The following DCTN4 variants were observed in gnomAD, a reference collection of about 807,000 sequenced individuals.
DCTN4 encodes dynactin 4 (p62).
DCTN4 carries 23 observed loss-of-function variants against 62.7 expected under a neutral mutation model. The ratio of observed to expected loss-of-function variants is 0.37; its 90% CI spans 0.26 to 0.52. The LOEUF is 0.52. Ranked by LOEUF, DCTN4 falls within the 20% of genes least tolerant of loss-of-function variation. The probability of loss-of-function intolerance (pLI) is 0.92; values close to 1 mark genes in which losing one functional copy is unlikely to be tolerated. For missense variants in DCTN4, 514 were observed against 580.4 expected, an observed-to-expected ratio of 0.89 and a Z score of 1.18; for synonymous variants, 199 against 202.1, an observed-to-expected ratio of 0.98 and a Z score of 0.13.
Position 150,710,766 on chromosome 5 carries a change from A to T in DCTN4, c.*383T>A, listed in dbSNP as rs1383661001. 1 of 223,256 alleles carries T rather than the reference A, an allele frequency of 4.5e-6. No individual in the cohort carries two copies. Among genetic ancestry groups the T allele is most frequent in the Non-Finnish European group, 9.1e-6 (1 of 110,184 alleles). 13.8% of individuals were successfully genotyped at this position (223,256 alleles called of 1,614,324 possible). ...ACAGCAGGTCTACCTTTGGGTTATC[A>T]TTTAAGTTTCATCTGTGACATTGTG... On this transcript the variant is annotated 3_prime_UTR_variant, in exon 13 of 13. Coordinates refer to ENST00000447998, the MANE Select transcript of DCTN4 (RefSeq NM_016221.4).
chr5:150,744,538 G>A, intron 3 of DCTN4, among the ~76,000 whole-genome samples: 1 of 152,186 alleles, frequency 6.6e-6, no homozygotes, highest in East Asian at 1.9e-4. Flanking sequence ...GGCAGCCAGA[G>A]AGAAAGGTCA....
chr5:150,755,652 T>C, intron 2 of DCTN4: 1 of 436,072 alleles, frequency 2.3e-6, no homozygotes, highest in Non-Finnish European at 4.6e-6. Context: ...ACTTTTGAGG[T>C]CATCAAAACC....
chr5:150,752,889 C>CA (rs1190910506), intron 3 of DCTN4, among the ~76,000 whole-genome samples: 2 of 149,840 alleles, frequency 1.3e-5, no homozygotes, highest in African/African-American at 4.9e-5. Context: ...TTTTTTGAGA[C>CA]AGAGTCTTGC....
At chr5:150,717,378 T>C (rs1759799905) in intron 11 of DCTN4, among the ~76,000 whole-genome samples, 1 of 152,198 alleles carries the variant, frequency 6.6e-6, no homozygotes, top group African/African-American at 2.4e-5. Flanking sequence ...GCCTCCCCAG[T>C]AGCTGAGATT....
At position 150,730,776 on chromosome 5, in the gene DCTN4, G is replaced by A. The variant is rs779707243; in HGVS notation, c.725-36C>T. The A allele has an allele frequency of 1.9e-6, 3 of 1,574,140 alleles. No individual in the cohort carries two copies. In the African/African-American group the frequency reaches 4.0e-5, roughly 21 times the overall value. ...AGGCAGAAAACAGGCTTAGTTTACA[G>A]TGACTTTCAAAATCAGACTTTTATG... On this transcript the variant is annotated intron_variant, in intron 7 of 12. Coordinates refer to ENST00000447998, the MANE Select transcript of DCTN4 (RefSeq NM_016221.4).
In DCTN4 at chr5:150,711,027, T is replaced by A; in HGVS notation, c.*122A>T. On this transcript the variant is annotated 3_prime_UTR_variant, in exon 13 of 13. Transcript: ENST00000447998. ...GCCTATGCTCCCACTTTCTTAGCAATAGAATTCCGTAGTGCATGGGTACAT... is the reference window on the plus strand; with the variant it reads ...GCCTATGCTCCCACTTTCTTAGCAAAAGAATTCCGTAGTGCATGGGTACAT... 1.0e-6 allele frequency: 1 copy of A among 959,600 alleles called. No homozygotes were observed. The highest frequency in any genetic ancestry group is 2.6e-5 in the East Asian group (1 of 38,318). 59.4% of individuals were successfully genotyped at this position (959,600 alleles called of 1,614,324 possible). A position where few individuals can be genotyped will look rare whatever the true frequency, so the allele number is the denominator to read the frequency against.
At chr5:150,712,659 G>A (rs1360781592) in intron 12 of DCTN4, among the ~76,000 whole-genome samples, 1 of 152,162 alleles carries the variant, frequency 6.6e-6, no homozygotes, top group Non-Finnish European at 1.5e-5. Flanking sequence ...AATCAAGAAT[G>A]TTTTTGTAAA....
intron 4 of DCTN4, among the ~76,000 whole-genome samples, chr5:150,738,354 C>T (rs1018629947): frequency 1.3e-5 from 2 of 152,060 alleles, no homozygotes; most frequent in Admixed American, 1.3e-4. Flanking sequence ...AACATGGATG[C>T]AAAAATCCTT....
rs1759509500 is a variant in DCTN4 at position 150,710,238 on chromosome 5, C to G, written c.*911G>C. 6.6e-6 allele frequency: 1 copy of G among 152,300 alleles called. No individual in the cohort carries two copies. The allele number at this position is 152,300 out of a possible 1,614,324, so 9.4% of individuals were successfully genotyped here. A position where few individuals can be genotyped will look rare whatever the true frequency, so the allele number is the denominator to read the frequency against. Reference sequence around the variant, plus strand: ...ATGTTTTCTGCATTCCAGAAATGAACCTGTCCACTCAGGTTTTCTTTGGGT... The same window carrying G: ...ATGTTTTCTGCATTCCAGAAATGAAGCTGTCCACTCAGGTTTTCTTTGGGT... On this transcript the variant is annotated 3_prime_UTR_variant, in exon 13 of 13. Transcript: ENST00000447998.
At chr5:150,757,845 A>G (rs1165298479) in intron 1 of DCTN4, 1 of 153,612 alleles carries the variant, frequency 6.5e-6, no homozygotes, top group Non-Finnish European at 1.4e-5. Context: ...TCAGTAAAAA[A>G]CACTCTGAGT....
intron 12 of DCTN4, among the ~76,000 whole-genome samples, chr5:150,712,424 C>T (rs1019356129): frequency 1.3e-5 from 2 of 151,442 alleles, no homozygotes; most frequent in East Asian, 3.9e-4. Flanking sequence ...GCCAATGCAC[C>T]CGGCCTTATT....
At chr5:150,745,068 C>T (rs201062102) in intron 3 of DCTN4, among the ~76,000 whole-genome samples, 6 of 150,478 alleles carry the variant, frequency 4.0e-5, no homozygotes, top group African/African-American at 7.4e-5. Context: ...GAGACACACA[C>T]AGGCTCAAAA....
In DCTN4 at chr5:150,731,770, G is replaced by A. The variant is rs557052275; in HGVS notation, c.538-281C>T. 5.3e-4 allele frequency: 517 copies of A among 967,336 alleles called. 2 individuals carry two copies. The highest frequency in any genetic ancestry group is 4.6e-3 in the South Asian group (318 of 69,232). The allele number at this position is 967,336 out of a possible 1,614,324, so 59.9% of individuals were successfully genotyped here. ...AGTAATCTAAAAGTATCTAAGCTAC[G>A]GCTCAGGCAAGAACTATGTGGAGTG... On this transcript the variant is annotated intron_variant, in intron 5 of 12. Transcript: ENST00000447998.
At chr5:150,711,509 T>G (rs551267359) in intron 12 of DCTN4, 147 bp from the exon 13 acceptor site, 7 of 703,258 alleles carry the variant, frequency 1.0e-5, no homozygotes, top group African/African-American at 3.6e-5. Context: ...ACCAAGTATT[T>G]TTTTGTTTTG....
intron 4 of DCTN4, among the ~76,000 whole-genome samples, chr5:150,737,863 A>G (rs1240328015): frequency 6.6e-6 from 1 of 152,154 alleles, no homozygotes; most frequent in East Asian, 1.9e-4. Flanking sequence ...CCAAATTGAT[A>G]GAATGTGAGA....
At position 150,711,016 on chromosome 5, in the gene DCTN4, T is replaced by C; in HGVS notation, c.*133A>G. The C allele has an allele frequency of 1.1e-6, 1 of 907,090 alleles. No homozygotes were observed. The highest frequency in any genetic ancestry group is 1.7e-6 in the Non-Finnish European group (1 of 595,256). The allele number at this position is 907,090 out of a possible 1,614,324, so 56.2% of individuals were successfully genotyped here. On this transcript the variant is annotated 3_prime_UTR_variant, in exon 13 of 13. Coordinates refer to ENST00000447998, the MANE Select transcript of DCTN4 (RefSeq NM_016221.4). ...CCCAATGCCTTGCCTATGCTCCCAC[T>C]TTCTTAGCAATAGAATTCCGTAGTG...
intron 9 of DCTN4, 23 bp downstream of exon 9, chr5:150,722,884 A>C (rs1760004096): frequency 6.3e-7 from 1 of 1,598,558 alleles, no homozygotes; most frequent in Non-Finnish European, 8.6e-7. Flanking sequence ...AGTAACTGAA[A>C]ACACCAATCC....
At chr5:150,723,527 G>A (rs2113020116) in intron 8 of DCTN4, among the ~76,000 whole-genome samples, 1 of 152,216 alleles carries the variant, frequency 6.6e-6, no homozygotes, top group East Asian at 1.9e-4. Flanking sequence ...GGAGTGCAGT[G>A]GCACAATCAA....
At position 150,711,158 on chromosome 5, in the gene DCTN4, A is replaced by T; in HGVS notation, c.1374T>A (p.Leu458=). Reference sequence around the variant, plus strand: ...CCTCCAGTGGAACCTTTTAAGGAAGAAGTGGGCCCAAGCTAAGTTCCACAT... The same window carrying T: ...CCTCCAGTGGAACCTTTTAAGGAAGTAGTGGGCCCAAGCTAAGTTCCACAT... The part of the protein sequence containing the change: ...TQHVELSLGP[L]LP The change falls in exon 13 of 13, where the codon CTT becomes CTA. Residue 458 remains leucine, a synonymous_variant. Coordinates refer to ENST00000447998, the MANE Select transcript of DCTN4 (RefSeq NM_016221.4). 1 of 1,612,262 alleles carries T rather than the reference A, an allele frequency of 6.2e-7. No individual in the cohort carries two copies. Among genetic ancestry groups the T allele is most frequent in the South Asian group, 1.1e-5 (1 of 90,990 alleles).
Sources: gnomAD v4.1 joint callset for allele counts (sites outside exome capture counted in the v4.1 genomes callset) on GRCh38, gnomAD v4.1.1 for gene constraint, MANE v1.5 for transcripts, NCBI Gene and HGNC (gene_info 2026-07-23, HGNC 2026-07-21) for gene names.